FGF12: variants seen among roughly 807,000 people sequenced by gnomAD.
FGF12 encodes fibroblast growth factor 12B.
Under a neutral mutation model 23.6 loss-of-function variants are expected in FGF12, and 14 were observed. The ratio of observed to expected loss-of-function variants is 0.59; its 90% CI spans 0.39 to 0.93. FGF12 has a LOEUF of 0.93. FGF12 is among the 40% of genes least tolerant of loss of function. The pLI is 0.00. For missense variants in FGF12, 175 were observed against 217.8 expected (o/e 0.80, Z 1.24); for synonymous variants, 62 against 77.3 (o/e 0.80, Z 1.04).
At chr3:192,293,233 T>A (rs1418407662) in intron 4 of FGF12, among the ~76,000 whole-genome samples, 5 of 127,798 alleles carry the variant, frequency 3.9e-5, no homozygotes, top group Admixed American at 3.3e-4. Flanking sequence ...GCCTTAGTGA[T>A]GTTTACTGAA....
chr3:192,336,419 C>T lies in FGF12; in HGVS notation c.125-955G>A, dbSNP rs1717419794. Among the ~76,000 whole-genome samples, 1 of 151,982 alleles carries T rather than the reference C, an allele frequency of 6.6e-6. No homozygotes were observed. The highest frequency in any genetic ancestry group is 2.1e-4 in the South Asian group (1 of 4,824). ...TTTTCTTCCAACAATATTTTTCTGTCCTTGGGATTATTTCAGTTACTTTTG... is the reference window on the plus strand; with the variant it reads ...TTTTCTTCCAACAATATTTTTCTGTTCTTGGGATTATTTCAGTTACTTTTG... On this transcript the variant is annotated intron_variant, in intron 3 of 5. Transcript: ENST00000445105. This position sits in a 1 kb window ranked among gnomAD's most constrained non-coding sequence, Gnocchi z 4.3.
intron 2 of FGF12, among the ~76,000 whole-genome samples, chr3:192,446,239 C>T (rs1722350688): frequency 6.6e-6 from 1 of 152,188 alleles, no homozygotes; most frequent in African/African-American, 2.4e-5. Context: ...AGCACAAATA[C>T]AGGGAAATTC....
At chr3:192,617,166 G>T (rs761323791) in intron 2 of FGF12, among the ~76,000 whole-genome samples, 2 of 151,994 alleles carry the variant, frequency 1.3e-5, no homozygotes, top group Non-Finnish European at 2.9e-5. Flanking sequence ...GGTCCACAAG[G>T]GTCTTGGCAC....
rs1216490626 is a variant in FGF12 at position 192,374,362 on chromosome 3, T to C, written c.14-13824A>G. ...AAATGGGAAAACAAATTAGATACAA[T>C]GGTCATAAGATTTTCTTCTTTAACT... is the stretch of plus-strand genomic sequence containing the variant. On this transcript the variant is annotated intron_variant, in intron 2 of 5. Coordinates refer to ENST00000445105, the MANE Select transcript of FGF12 (RefSeq NM_004113.6). Among the ~76,000 whole-genome samples the C allele has an allele frequency of 1.4e-4, 21 of 152,206 alleles. 1 individual carries two copies. Among genetic ancestry groups the C allele is most frequent in the Admixed American group, 1.3e-3 (20 of 15,274 alleles).
At chr3:192,696,197 G>C (rs969528321) in intron 2 of FGF12, among the ~76,000 whole-genome samples, 1 of 151,208 alleles carries the variant, frequency 6.6e-6, no homozygotes, top group Non-Finnish European at 1.5e-5. Flanking sequence ...AGCAATAGTG[G>C]AAAACCCCAT....
intron 2 of FGF12, among the ~76,000 whole-genome samples, chr3:192,552,840 G>A (rs891818770): frequency 5.9e-5 from 9 of 152,174 alleles, no homozygotes; most frequent in Middle Eastern, 6.8e-3. Context: ...GCAGTGAGCC[G>A]AGATCATGCC....
chr3:192,474,276 T>C (rs1407376389), intron 2 of FGF12, among the ~76,000 whole-genome samples: 1 of 152,222 alleles, frequency 6.6e-6, no homozygotes, highest in East Asian at 1.9e-4. Flanking sequence ...ACATCTGTTG[T>C]TTTTGTCAGT....
rs1432068935 is a variant in FGF12, at chr3:192,360,217, CCTTCT to C, written c.124+206_124+210del. Among the ~76,000 whole-genome samples the C allele has an allele frequency of 6.6e-6, 1 of 152,116 alleles. No individual in the cohort carries two copies. Among genetic ancestry groups the C allele is most frequent in the Non-Finnish European group, 1.5e-5 (1 of 68,020 alleles). ...ATTGACCAAATGGACAAGCCTCTTA[CCTTCT>C]CTTAAGTGCATAACCTCTCTCCTAT... On this transcript the variant is annotated intron_variant, in intron 3 of 5. Coordinates refer to ENST00000445105, the MANE Select transcript of FGF12 (RefSeq NM_004113.6). This position sits in a 1 kb window ranked among gnomAD's most constrained non-coding sequence, Gnocchi z 4.3.
At chr3:192,591,793 C>G (rs1713636465) in intron 2 of FGF12, among the ~76,000 whole-genome samples, 1 of 151,776 alleles carries the variant, frequency 6.6e-6, no homozygotes, top group South Asian at 2.1e-4. Flanking sequence ...CTGCACAAGC[C>G]CTTCACGTTA....
At chr3:192,658,218 G>A (rs760598729) in intron 2 of FGF12, among the ~76,000 whole-genome samples, 10 of 152,190 alleles carry the variant, frequency 6.6e-5, no homozygotes, top group Non-Finnish European at 1.5e-4. Flanking sequence ...TTTCTATATA[G>A]TTTTATACAA....
intron 2 of FGF12, among the ~76,000 whole-genome samples, chr3:192,569,764 T>C (rs569089699): frequency 1.3e-5 from 2 of 152,336 alleles, no homozygotes; most frequent in East Asian, 3.9e-4. Flanking sequence ...TCTTACACTT[T>C]CTTTATTGAG....
chr3:192,658,303 C>G (rs1239469400), intron 2 of FGF12, among the ~76,000 whole-genome samples: 10 of 152,336 alleles, frequency 6.6e-5, no homozygotes, highest in South Asian at 4.1e-4. Flanking sequence ...TGGTCAGGTA[C>G]CCAGAACTTG....
At chr3:192,209,183 A>T (rs1445965617) in intron 4 of FGF12, among the ~76,000 whole-genome samples, 1 of 152,234 alleles carries the variant, frequency 6.6e-6, no homozygotes, top group African/African-American at 2.4e-5. Context: ...TTTGGCTTAG[A>T]GGAAAACATT....
intron 2 of FGF12, among the ~76,000 whole-genome samples, chr3:192,482,256 A>C (rs1388225447): frequency 7.2e-5 from 11 of 152,194 alleles, no homozygotes; most frequent in African/African-American, 2.7e-4. Flanking sequence ...TATATTATTT[A>C]AGATTATTTT....
intron 2 of FGF12, among the ~76,000 whole-genome samples, chr3:192,569,103 C>T (rs1712475469): frequency 1.3e-5 from 2 of 152,090 alleles, no homozygotes; most frequent in Non-Finnish European, 2.9e-5. Context: ...GGATAAAGTA[C>T]AGCGATGAAA....
At chr3:192,462,402 A>T (rs775170585) in intron 2 of FGF12, among the ~76,000 whole-genome samples, 7 of 152,076 alleles carry the variant, frequency 4.6e-5, no homozygotes, top group Non-Finnish European at 7.4e-5. Context: ...ATGAAGAGGA[A>T]GAGAGATCTG....
chr3:192,442,733 G>T (rs1178802686), intron 2 of FGF12, among the ~76,000 whole-genome samples: 1 of 151,890 alleles, frequency 6.6e-6, no homozygotes, highest in African/African-American at 2.4e-5. Flanking sequence ...ATGCTGCCTG[G>T]TAACTGAGAT....
intron 2 of FGF12, among the ~76,000 whole-genome samples, chr3:192,665,154 C>G (rs1232179743): frequency 1.3e-5 from 2 of 152,006 alleles, no homozygotes; most frequent in Non-Finnish European, 2.9e-5. Context: ...TTCTTAAATG[C>G]ATGTTACACA....
At chr3:192,599,269 A>AATAATAATAATAATTATAATAATT (rs1553837297) in intron 2 of FGF12, among the ~76,000 whole-genome samples, 1 of 148,078 alleles carries the variant, frequency 6.8e-6, no homozygotes, top group Non-Finnish European at 1.5e-5. Flanking sequence ...TAATAATAAT[A>AATAATAATAATAATTATAATAATT]ATAATAATAA....
Sources: gnomAD v4.1 joint callset for allele counts (sites outside exome capture counted in the v4.1 genomes callset) on GRCh38, gnomAD v4.1.1 for gene constraint, Gnocchi (gnomAD v3.1) non-coding constraint, MANE v1.5 for transcripts, NCBI Gene and HGNC (gene_info 2026-07-23, HGNC 2026-07-21) for gene names.